MGAT5: variants seen among roughly 807,000 people sequenced by gnomAD.
MGAT5 encodes the protein alpha-1,6-mannosylglycoprotein 6-beta-N-acetylglucosaminyltransferase A.
MGAT5 carries 30 observed loss-of-function variants against 94.3 expected under a neutral mutation model. That is an observed-to-expected ratio of 0.32 (90% CI 0.24 to 0.43). The LOEUF is 0.43. Ranked by LOEUF, MGAT5 falls within the 20% of genes least tolerant of loss-of-function variation. MGAT5 has a pLI of 1.00. For missense variants in MGAT5, 691 were observed against 905.5 expected (o/e 0.76, Z 3.04); for synonymous variants, 310 against 322.9 (o/e 0.96, Z 0.43).
chr2:134,242,026 T>G (rs914484898), intron 1 of MGAT5, among the ~76,000 whole-genome samples: 8 of 152,232 alleles, frequency 5.3e-5, no homozygotes, highest in Non-Finnish European at 1.2e-4. Context: ...TGAAGGGACC[T>G]AATGAGCATG....
intron 4 of MGAT5, among the ~76,000 whole-genome samples, chr2:134,327,793 C>G (rs1280813652): frequency 6.6e-6 from 1 of 152,028 alleles, no homozygotes; most frequent in Non-Finnish European, 1.5e-5. Flanking sequence ...ATGGAATGAG[C>G]CAATTGTATT....
At chr2:134,326,924 G>A (rs1450810423) in intron 4 of MGAT5, among the ~76,000 whole-genome samples, 1 of 152,098 alleles carries the variant, frequency 6.6e-6, no homozygotes, top group Non-Finnish European at 1.5e-5. Context: ...GGGAAGAGAA[G>A]TGCAGTCGCC....
upstream of MGAT5, among the ~76,000 whole-genome samples, chr2:134,253,434 C>T (rs1010518054): frequency 6.6e-6 from 1 of 152,124 alleles, no homozygotes; most frequent in Non-Finnish European, 1.5e-5. Flanking sequence ...AGAAGAGTGG[C>T]CTGGTCTGTG....
At chr2:134,150,863 T>C (rs1687135586) in intron 1 of MGAT5, among the ~76,000 whole-genome samples, 1 of 152,202 alleles carries the variant, frequency 6.6e-6, no homozygotes, top group Admixed American at 6.5e-5. Flanking sequence ...TTCAAAGTTA[T>C]GTGACGAATG....
chr2:134,193,788 G>A (rs980857725), intron 1 of MGAT5, among the ~76,000 whole-genome samples: 9 of 150,168 alleles, frequency 6.0e-5, no homozygotes, highest in Admixed American at 2.0e-4. Flanking sequence ...TTAATCAATC[G>A]CGATGAAAGT....
At chr2:134,134,089 A>G (rs1311099383) in intron 1 of MGAT5, among the ~76,000 whole-genome samples, 2 of 152,198 alleles carry the variant, frequency 1.3e-5, no homozygotes, top group Non-Finnish European at 2.9e-5. Flanking sequence ...GACTTTTAGC[A>G]ACAGGGAAGC....
chr2:134,254,117 T>C lies in MGAT5; in HGVS notation c.-287T>C. The C allele has an allele frequency of 1.8e-6, 1 of 560,948 alleles. No homozygotes were observed. 34.7% of individuals were successfully genotyped at this position (560,948 alleles called of 1,614,324 possible). A position where few individuals can be genotyped will look rare whatever the true frequency, so the allele number is the denominator to read the frequency against. ...TGCCTAGCCAGATTTCCCCTCAGCTTACAGTTCCTGAATCATAAGATATTG... is the reference window on the plus strand; with the variant it reads ...TGCCTAGCCAGATTTCCCCTCAGCTCACAGTTCCTGAATCATAAGATATTG... On this transcript the variant is annotated 5_prime_UTR_variant, in exon 1 of 16. Transcript: ENST00000281923.
chr2:134,166,449 T>TTTC (rs1478301080), intron 1 of MGAT5, among the ~76,000 whole-genome samples: 1 of 152,238 alleles, frequency 6.6e-6, no homozygotes, highest in Non-Finnish European at 1.5e-5. Flanking sequence ...CCTTGGACAC[T>TTTC]TTCTGGAGCC....
chr2:134,178,210 G>A (rs1358135250), intron 1 of MGAT5, among the ~76,000 whole-genome samples: 2 of 152,156 alleles, frequency 1.3e-5, no homozygotes, highest in African/African-American at 4.8e-5. Flanking sequence ...TGCTTCTAGA[G>A]CCAGTGTTTC....
rs553577321 is a variant in MGAT5, at chr2:134,142,035, A to G, written c.-143+21744A>G. ...GGGCAGGGTACCTCAGTGGTCCCCAAGGGAGAGCAGGGGAACTTGAAGTGG... is the reference window on the plus strand; with the variant it reads ...GGGCAGGGTACCTCAGTGGTCCCCAGGGGAGAGCAGGGGAACTTGAAGTGG... On this transcript the variant is annotated intron_variant, in intron 1 of 16. Transcript: ENST00000409645. Among the ~76,000 whole-genome samples, 74 of 152,278 alleles carry G rather than the reference A, an allele frequency of 4.9e-4. 1 individual carries two copies. The South Asian group carries it at 0.014, about 29-fold the overall frequency.
intron 6 of MGAT5, among the ~76,000 whole-genome samples, chr2:134,338,820 ACT>A (rs1475315644): frequency 6.6e-6 from 1 of 151,476 alleles, no homozygotes; most frequent in Non-Finnish European, 1.5e-5. Flanking sequence ...TTTCATTGTT[ACT>A]CTGTCTGGTT....
intron 9 of MGAT5, among the ~76,000 whole-genome samples, chr2:134,355,879 C>A (rs1227697906): frequency 6.6e-6 from 1 of 152,162 alleles, no homozygotes; most frequent in Admixed American, 6.5e-5. Context: ...GCAGGCATTA[C>A]AAGATACCCC....
At chr2:134,329,506 A>G (rs986028604) in intron 4 of MGAT5, among the ~76,000 whole-genome samples, 5 of 152,260 alleles carry the variant, frequency 3.3e-5, no homozygotes, top group Non-Finnish European at 4.4e-5. Context: ...TGATACTCCA[A>G]TATTGAAGAC....
intron 15 of MGAT5, 70 bp downstream of exon 15, chr2:134,441,985 G>A: frequency 6.4e-7 from 1 of 1,552,194 alleles, no homozygotes; most frequent in Non-Finnish European, 8.8e-7. Flanking sequence ...GTAGTCAGGT[G>A]AGAGGTACAG....
At chr2:134,182,352 A>G (rs955795644) in intron 1 of MGAT5, among the ~76,000 whole-genome samples, 3 of 152,226 alleles carry the variant, frequency 2.0e-5, no homozygotes, top group African/African-American at 4.8e-5. Context: ...AGCAGGCCCA[A>G]TAAAACAATA....
At chr2:134,340,245 C>G (rs1688548578) in intron 6 of MGAT5, among the ~76,000 whole-genome samples, 1 of 152,110 alleles carries the variant, frequency 6.6e-6, no homozygotes, top group African/African-American at 2.4e-5. Flanking sequence ...AATGCTGTTT[C>G]TACTAAGTGG....
At chr2:134,299,383 G>A (rs575814786) in intron 2 of MGAT5, among the ~76,000 whole-genome samples, 8 of 152,294 alleles carry the variant, frequency 5.3e-5, no homozygotes, top group Middle Eastern at 6.8e-3. Context: ...GTACCTGTGC[G>A]AGCTGGAGTA....
intron 4 of MGAT5, chr2:134,319,735 G>T: frequency 2.4e-6 from 1 of 419,624 alleles, no homozygotes. Context: ...TGTAGCTGAA[G>T]CTCCTGCTCT....
At chr2:134,381,374 A>AGATAGATAGATAGAT (rs60788131) in intron 10 of MGAT5, among the ~76,000 whole-genome samples, 1 of 60,674 alleles carries the variant, frequency 1.6e-5, no homozygotes, top group African/African-American at 6.7e-5. Flanking sequence ...TAGATAAGAT[A>AGATAGATAGATAGAT]AGATAGATTA....
Sources: allele counts gnomAD v4.1 joint callset (sites outside exome capture counted in the v4.1 genomes callset), GRCh38; gene constraint gnomAD v4.1.1; transcripts MANE v1.5; gene names NCBI Gene and HGNC (gene_info 2026-07-23, HGNC 2026-07-21).